Variants in IFNA8 observed in about 807,000 individuals in gnomAD.
IFNA8 encodes the protein interferon alpha-8.
For missense variants in IFNA8, 246 were observed against 212.3 expected (o/e 1.16, Z -0.99); for synonymous variants, 91 against 84.4 (o/e 1.08, Z -0.43).
rs770380137 is a variant in IFNA8 at position 21,409,775 on chromosome 9, A to G, written c.*29A>G. The G allele has an allele frequency of 3.8e-6, 6 of 1,586,184 alleles. No homozygotes were observed. The highest frequency in any genetic ancestry group is 5.2e-6 in the Non-Finnish European group (6 of 1,155,906). ...CTGGTACAACACGGAAATGATTCTT[A>G]TAGACTAATACAGCAGCTCACACTT... On this transcript the variant is annotated 3_prime_UTR_variant, in exon 1 of 1. Coordinates refer to ENST00000380205, the MANE Select transcript of IFNA8 (RefSeq NM_002170.4).
Sources: gnomAD v4.1 joint callset for allele counts on GRCh38, gnomAD v4.1.1 for gene constraint, MANE v1.5 for transcripts, NCBI Gene and HGNC (gene_info 2026-07-23, HGNC 2026-07-21) for gene names.